PCNX1: variants seen among roughly 807,000 people sequenced by gnomAD.
PCNX1 encodes the protein pecanex 1.
Under a neutral mutation model 242.2 loss-of-function variants are expected in PCNX1, and 78 were observed. The observed-to-expected ratio is 0.32, with a 90% CI of 0.27 to 0.39. The LOEUF (loss-of-function observed/expected upper bound fraction) is 0.39, where lower values mean the gene tolerates loss of function less well. Among genes scored for constraint, PCNX1 ranks in the 10% least tolerant of loss-of-function variants. The probability of loss-of-function intolerance (pLI) is 1.00; values close to 1 mark genes in which losing one functional copy is unlikely to be tolerated. For synonymous variants in PCNX1, 1,024 were observed against 1,032.9 expected (o/e 0.99, Z 0.17); for missense variants, 2,581 against 2,856.5 (o/e 0.90, Z 2.20).
chr14:71,104,715 G>T (rs2062561939), intron 32 of PCNX1, among the ~76,000 whole-genome samples: 1 of 152,136 alleles, frequency 6.6e-6, no homozygotes, highest in Non-Finnish European at 1.5e-5. Flanking sequence ...AGATCATAAG[G>T]TCAAGAGATT....
chr14:71,109,644 G>A (rs986899414), intron 35 of PCNX1, 52 bp downstream of exon 35: 23 of 1,604,964 alleles, frequency 1.4e-5, no homozygotes, highest in Admixed American at 3.4e-5. Context: ...TTTGAAGTCC[G>A]CCTCACTTGG....
intron 26 of PCNX1, among the ~76,000 whole-genome samples, chr14:71,058,959 A>T (rs2061253730): frequency 6.6e-6 from 1 of 152,216 alleles, no homozygotes; most frequent in African/African-American, 2.4e-5. Flanking sequence ...AACTAGGCTC[A>T]TCCAAAAGTT....
chr14:71,021,192 C>T (rs559824000), intron 12 of PCNX1, among the ~76,000 whole-genome samples: 14 of 152,124 alleles, frequency 9.2e-5, no homozygotes, highest in Admixed American at 5.2e-4. Flanking sequence ...AGTCAGGTAG[C>T]GTGATGCCTC....
At chr14:71,029,945 G>T (rs922111954) in intron 16 of PCNX1, among the ~76,000 whole-genome samples, 1 of 152,222 alleles carries the variant, frequency 6.6e-6, no homozygotes, top group Admixed American at 6.5e-5. Context: ...GATGTTTCTA[G>T]TTGAGGAATA....
rs778802977 is a variant in PCNX1, at chr14:71,013,058, A to G, written c.2852A>G (p.Asp951Gly). ...DTDLLEQQDI[D>G]LSPDLAATYG... ...GATTTGTTGGAGCAACAGGACATTG[A>G]TCTAAGCCCTGACTTGGCAGCTACT... The change falls in exon 11 of 36, where the codon GAT (aspartate) becomes GGT (glycine). Residue 951 changes from aspartate (D) to glycine (G), a missense_variant. This residue lies in a region of PCNX1 where 1,204 missense variants were observed against 1,216.7 expected (regional missense o/e 0.99). Coordinates refer to ENST00000304743, the MANE Select transcript of PCNX1 (RefSeq NM_014982.3). The G allele has an allele frequency of 1.2e-6, 2 of 1,614,138 alleles. No homozygotes were observed. Among genetic ancestry groups the G allele is most frequent in the East Asian group, 4.5e-5 (2 of 44,886 alleles).
Position 70,998,750 on chromosome 14 carries a change from CAAAA to C in PCNX1, c.2629+2844_2629+2847del, listed in dbSNP as rs34044438. ...TGGGTGACAGAGTGAGACCCTATCT[CAAAA>C]AAAAAAAAAAAAAAAAAAGAAAAAC... On this transcript the variant is annotated intron_variant, in intron 8 of 35. Transcript: ENST00000304743. Among the ~76,000 whole-genome samples, 29 of 89,082 alleles carry C rather than the reference CAAAA, an allele frequency of 3.3e-4. No homozygotes were observed. The East Asian group carries it at 3.5e-3, about 11-fold the overall frequency. The allele number at this position is 89,082 out of a possible 152,430, so 58.4% of individuals were successfully genotyped here.
intron 2 of PCNX1, among the ~76,000 whole-genome samples, chr14:70,959,572 T>C (rs193151282): frequency 0.015 from 2,232 of 152,046 alleles, 23 homozygotes; most frequent in Middle Eastern, 0.034. Context: ...TCATTTTTTA[T>C]GGCTGCATAG....
chr14:71,073,711 G>A lies in PCNX1; in HGVS notation c.5019G>A (p.Leu1673=). The part of the protein sequence containing the change: ...AWEVIVTKYI[L]EGYSITDNSA... ...AAGTGATAGTCACAAAGTACATTCT[G>A]GAGGGTTATAGCATCACTGATAACA... is the stretch of plus-strand genomic sequence containing the variant. The change falls in exon 27 of 36, where the codon CTG becomes CTA. Residue 1673 remains leucine, a synonymous_variant. Coordinates refer to ENST00000304743, the MANE Select transcript of PCNX1 (RefSeq NM_014982.3). 6.2e-7 allele frequency: 1 copy of A among 1,613,968 alleles called. No individual in the cohort carries two copies. The highest frequency in any genetic ancestry group is 2.2e-5 in the East Asian group (1 of 44,872).
At chr14:71,064,363 A>G (rs1406789225) in intron 26 of PCNX1, among the ~76,000 whole-genome samples, 1 of 152,174 alleles carries the variant, frequency 6.6e-6, no homozygotes, top group African/African-American at 2.4e-5. Flanking sequence ...ATGGTAGAGT[A>G]AAAACATTCT....
chr14:71,053,535 C>T (rs2061099142), intron 24 of PCNX1: 1 of 302,096 alleles, frequency 3.3e-6, no homozygotes, highest in Non-Finnish European at 6.4e-6. Flanking sequence ...CCAGGCTGGT[C>T]TTGAACTTCT....
chr14:71,072,796 A>G (rs972120038), intron 26 of PCNX1, among the ~76,000 whole-genome samples: 2 of 152,340 alleles, frequency 1.3e-5, no homozygotes, highest in Middle Eastern at 3.4e-3. Context: ...TGCTGGCACT[A>G]GATTGCTATG....
In PCNX1 at chr14:70,977,621, G is replaced by A. The variant is rs34646737; in HGVS notation, c.1284G>A (p.Gly428=). The part of the protein sequence containing the change: ...EESPKAGTKS[G]RKKECCAGPE... ...CTCCTAAAGCAGGAACAAAAAGTGG[G>A]AGGAAGAAAGAGTGCTGTGCAGGCC... The change falls in exon 6 of 36, where the codon GGG becomes GGA. Residue 428 remains glycine, a synonymous_variant. Coordinates refer to ENST00000304743, the MANE Select transcript of PCNX1 (RefSeq NM_014982.3). The A allele has an allele frequency of 0.018, 29,444 of 1,614,156 alleles. 344 individuals carry two copies. The highest frequency in any genetic ancestry group is 0.022 in the Non-Finnish European group (26,483 of 1,180,008).
At position 71,015,531 on chromosome 14, in the gene PCNX1, C is replaced by T. The variant is rs141909165; in HGVS notation, c.2996+2329C>T. Among the ~76,000 whole-genome samples, 22 of 152,202 alleles carry T rather than the reference C, an allele frequency of 1.4e-4. No homozygotes were observed. The East Asian group carries it at 2.7e-3, about 19-fold the overall frequency. On this transcript the variant is annotated intron_variant, in intron 11 of 35. Transcript: ENST00000304743. ...TGTGTATTGTAAACCCTAGGCTGGA[C>T]GCCGTGGTAATCCCAGCACTTTGGG...
At chr14:70,928,219 A>C (rs1022277582) in intron 1 of PCNX1, among the ~76,000 whole-genome samples, 1 of 152,322 alleles carries the variant, frequency 6.6e-6, no homozygotes, top group African/African-American at 2.4e-5. Flanking sequence ...ATTTGCTCAT[A>C]AGGTAATCCC....
chr14:71,025,706 C>T (rs902628580), intron 13 of PCNX1, among the ~76,000 whole-genome samples: 1 of 151,886 alleles, frequency 6.6e-6, no homozygotes, highest in African/African-American at 2.4e-5. Context: ...GGTGAAACTC[C>T]ATCTCTAAAA....
At chr14:70,920,238 C>CA (rs2056325749) in intron 1 of PCNX1, among the ~76,000 whole-genome samples, 1 of 152,124 alleles carries the variant, frequency 6.6e-6, no homozygotes, top group African/African-American at 2.4e-5. Flanking sequence ...ACCATGGTTT[C>CA]AAAAAATTAG....
chr14:71,059,899 T>C (rs1453672296), intron 26 of PCNX1, among the ~76,000 whole-genome samples: 6 of 152,176 alleles, frequency 3.9e-5, no homozygotes, highest in African/African-American at 1.4e-4. Flanking sequence ...GTTTCTTAGA[T>C]GTGCTAAATT....
chr14:70,973,781 ATATAG>A (rs2058610238), intron 5 of PCNX1, among the ~76,000 whole-genome samples: 1 of 152,202 alleles, frequency 6.6e-6, no homozygotes, highest in Non-Finnish European at 1.5e-5. Flanking sequence ...ACTTTAGAAA[ATATAG>A]TTAAGTATGA....
chr14:71,064,380 A>T (rs2141314073), intron 26 of PCNX1, among the ~76,000 whole-genome samples: 1 of 152,276 alleles, frequency 6.6e-6, no homozygotes, highest in African/African-American at 2.4e-5. Flanking sequence ...TTCTGCTTTA[A>T]TTCAGGTATC....
Sources: allele counts gnomAD v4.1 joint callset (sites outside exome capture counted in the v4.1 genomes callset), GRCh38; gene constraint gnomAD v4.1.1; regional missense constraint gnomAD v4.1.1; transcripts MANE v1.5; gene names NCBI Gene and HGNC (gene_info 2026-07-23, HGNC 2026-07-21).